CRACD: variants seen among roughly 807,000 people sequenced by gnomAD.
The protein encoded by CRACD is capping protein inhibiting regulator of actin dynamics.
A neutral mutation model predicts 106.8 loss-of-function variants in CRACD; 56 were observed. The observed-to-expected ratio is 0.52, with a 90% confidence interval of 0.42 to 0.66. The LOEUF is 0.66. Ranked by LOEUF, CRACD falls within the 30% of genes least tolerant of loss-of-function variation. CRACD has a pLI of 0.00. For missense variants in CRACD, 1,730 were observed against 1,623.2 expected, an observed-to-expected ratio of 1.07 and a Z score of -1.13; for synonymous variants, 754 against 670.8, an observed-to-expected ratio of 1.12 and a Z score of -1.92.
At chr4:56,295,674 TATATATATA>T (rs1267268357) in intron 3 of CRACD, among the ~76,000 whole-genome samples, 1 of 6,242 alleles carries the variant, frequency 1.6e-4, no homozygotes, top group Non-Finnish European at 4.8e-4. Flanking sequence ...TATATATATA[TATATATATA>T]TATATATATA....
At chr4:56,254,603 T>C (rs17086567) in intron 2 of CRACD, among the ~76,000 whole-genome samples, 4,351 of 152,208 alleles carry the variant, frequency 0.029, 205 homozygotes, top group African/African-American at 0.098. Flanking sequence ...GGAAGGTTAG[T>C]GTCACTTTGA....
At chr4:56,271,888 G>T (rs1742369878) in intron 2 of CRACD, among the ~76,000 whole-genome samples, 1 of 152,154 alleles carries the variant, frequency 6.6e-6, no homozygotes, top group South Asian at 2.1e-4. Flanking sequence ...AAGACTAAAG[G>T]CGTGCACCAC....
chr4:56,078,713 G>A lies in CRACD; in HGVS notation c.-336+29414G>A, dbSNP rs370790035. On this transcript the variant is annotated intron_variant, in intron 1 of 10. Coordinates refer to ENST00000682029, the MANE Select transcript of CRACD (RefSeq NM_001393381.1). ...GTACAGGTGTAAGCCACTGCACCGG[G>A]CACCTTTATTCATAAACAGACTCCA... Among the ~76,000 whole-genome samples the A allele has an allele frequency of 1.8e-4, 28 of 152,266 alleles. No homozygotes were observed. The East Asian group carries it at 3.7e-3, about 20-fold the overall frequency.
intron 1 of CRACD, chr4:56,049,844 CCT>C (rs1405352183): frequency 1.3e-5 from 2 of 152,334 alleles, no homozygotes; most frequent in South Asian, 2.1e-4. Flanking sequence ...AAAGGTTTCC[CCT>C]GTTTACCAAG....
intron 1 of CRACD, among the ~76,000 whole-genome samples, chr4:56,120,961 A>G (rs894754364): frequency 2.0e-5 from 3 of 152,214 alleles, no homozygotes; most frequent in African/African-American, 7.2e-5. Flanking sequence ...AGTCAGCGCT[A>G]CTAGTTCTGA....
intron 2 of CRACD, among the ~76,000 whole-genome samples, chr4:56,193,230 G>GA (rs1000232711): frequency 5.9e-5 from 9 of 152,110 alleles, no homozygotes; most frequent in Admixed American, 4.6e-4. Flanking sequence ...AACAGCAGGG[G>GA]AAAAACCTGC....
intron 4 of CRACD, among the ~76,000 whole-genome samples, chr4:56,299,526 C>T (rs1200379132): frequency 7.2e-5 from 11 of 151,978 alleles, no homozygotes; most frequent in Admixed American, 2.6e-4. Context: ...AAAAGTTAGC[C>T]GGGCATGGTT....
intron 1 of CRACD, among the ~76,000 whole-genome samples, chr4:56,071,376 G>C (rs1361151319): frequency 5.3e-5 from 8 of 152,098 alleles, no homozygotes; most frequent in African/African-American, 1.9e-4. Context: ...TATTCTTCTT[G>C]TTTTTGTCTT....
intron 2 of CRACD, among the ~76,000 whole-genome samples, chr4:56,243,882 ATT>A (rs55991783): frequency 6.6e-6 from 1 of 151,782 alleles, no homozygotes. Context: ...CCTTCTAACT[ATT>A]TTTTTGTACC....
intron 1 of CRACD, among the ~76,000 whole-genome samples, chr4:56,146,988 A>G (rs902509738): frequency 2.0e-5 from 3 of 152,188 alleles, no homozygotes; most frequent in African/African-American, 7.2e-5. Flanking sequence ...GGTGTGGGAA[A>G]TATGCGGGAG....
intron 1 of CRACD, among the ~76,000 whole-genome samples, chr4:56,140,403 A>G (rs1735152514): frequency 6.6e-6 from 1 of 152,142 alleles, no homozygotes; most frequent in Admixed American, 6.5e-5. Flanking sequence ...CTTCTATTAG[A>G]GTTGTCCTTT....
intron 2 of CRACD, among the ~76,000 whole-genome samples, chr4:56,269,152 G>C (rs1036329946): frequency 3.3e-5 from 5 of 152,180 alleles, no homozygotes; most frequent in African/African-American, 1.2e-4. Context: ...GGAGGCTGAA[G>C]TGGGCAGATT....
At chr4:56,116,672 T>G (rs1734295763) in intron 1 of CRACD, among the ~76,000 whole-genome samples, 1 of 152,202 alleles carries the variant, frequency 6.6e-6, no homozygotes, top group African/African-American at 2.4e-5. Flanking sequence ...CATCTTCTTT[T>G]TGTTTTTTTC....
chr4:56,245,223 T>C (rs1211908713), intron 2 of CRACD, among the ~76,000 whole-genome samples: 1 of 152,208 alleles, frequency 6.6e-6, no homozygotes, highest in Non-Finnish European at 1.5e-5. Flanking sequence ...TATGAAGTCT[T>C]TCTCATAGTG....
rs1321432307 is a variant in CRACD, at chr4:56,234,800, A to G, written c.-188-37521A>G. On this transcript the variant is annotated intron_variant, in intron 2 of 10. Transcript: ENST00000682029. Reference sequence around the variant, plus strand: ...ATTAATTCCTTTTCATATGACAATTATATATGATGGGACTTCAAGTGAAAA... The same window carrying G: ...ATTAATTCCTTTTCATATGACAATTGTATATGATGGGACTTCAAGTGAAAA... Among the ~76,000 whole-genome samples, 3 of 152,192 alleles carry G rather than the reference A, an allele frequency of 2.0e-5. No homozygotes were observed. The East Asian group carries it at 5.8e-4, about 29-fold the overall frequency.
At chr4:56,188,711 C>CACACAGAGAGAGAGAGAG (rs1446016845) in intron 2 of CRACD, among the ~76,000 whole-genome samples, 1 of 113,110 alleles carries the variant, frequency 8.8e-6, no homozygotes, top group African/African-American at 3.9e-5. Flanking sequence ...CACACACACA[C>CACACAGAGAGAGAGAGAG]AGAGAGAGAG....
intron 2 of CRACD, among the ~76,000 whole-genome samples, chr4:56,197,005 C>T (rs927750478): frequency 1.3e-5 from 2 of 152,016 alleles, no homozygotes; most frequent in African/African-American, 4.8e-5. Context: ...AAATTCCCAT[C>T]AAAAATGCTT....
At chr4:56,113,140 T>C (rs774330918) in intron 1 of CRACD, among the ~76,000 whole-genome samples, 13 of 152,130 alleles carry the variant, frequency 8.5e-5, no homozygotes, top group Non-Finnish European at 2.9e-5. Flanking sequence ...AGTGTGTGAA[T>C]AAAAATTCTT....
At chr4:56,087,963 C>T (rs1733286882) in intron 1 of CRACD, among the ~76,000 whole-genome samples, 1 of 151,986 alleles carries the variant, frequency 6.6e-6, no homozygotes, top group South Asian at 2.1e-4. Context: ...TTTGTTTCCC[C>T]TTAAACCCAT....
Sources: gnomAD v4.1 joint callset for allele counts (sites outside exome capture counted in the v4.1 genomes callset) on GRCh38, gnomAD v4.1.1 for gene constraint, MANE v1.5 for transcripts, NCBI Gene and HGNC (gene_info 2026-07-23, HGNC 2026-07-21) for gene names.